ATP8B4: variants seen among roughly 807,000 people sequenced by gnomAD.
The protein encoded by ATP8B4 is probable phospholipid-transporting ATPase IM.
ATP8B4 carries 133 observed loss-of-function variants against 145.6 expected under a neutral mutation model. The observed-to-expected ratio is 0.91, with a 90% confidence interval of 0.79 to 1.05. ATP8B4 has a LOEUF of 1.05. ATP8B4 is among the 50% of genes least tolerant of loss of function. The pLI is 0.00. For missense variants in ATP8B4, 1,458 were observed against 1,425.2 expected (o/e 1.02, Z -0.37); for synonymous variants, 507 against 492.9 (o/e 1.03, Z -0.38).
At chr15:50,170,501 C>CCCG (rs1555498984) in intron 1 of ATP8B4, among the ~76,000 whole-genome samples, 1 of 142,884 alleles carries the variant, frequency 7.0e-6, no homozygotes, top group Non-Finnish European at 1.6e-5. Context: ...CCAAACCCCC[C>CCCG]CCACCCTCCA....
chr15:49,880,003 A>G (rs2035137048), intron 23 of ATP8B4: 1 of 152,236 alleles, frequency 6.6e-6, no homozygotes. Flanking sequence ...TTGTAGACTA[A>G]TTACACAAGA....
intron 6 of ATP8B4, 50 bp from the exon 7 acceptor site, chr15:50,010,967 T>C (rs761042201): frequency 7.8e-7 from 1 of 1,287,936 alleles, no homozygotes; most frequent in East Asian, 2.6e-5. Context: ...GAATTGAAAG[T>C]ATAACCAAGG....
At chr15:49,920,789 C>T (rs1179508356) in intron 17 of ATP8B4, among the ~76,000 whole-genome samples, 1 of 152,116 alleles carries the variant, frequency 6.6e-6, no homozygotes, top group Admixed American at 6.5e-5. Flanking sequence ...GAGAGGGACC[C>T]AGTGTGTTTT....
upstream of ATP8B4, among the ~76,000 whole-genome samples, chr15:50,119,959 T>C (rs2057249559): frequency 6.6e-6 from 1 of 151,344 alleles, no homozygotes; most frequent in South Asian, 2.1e-4. Context: ...TCTTTTAGTT[T>C]GGAATTGCTT....
rs548024150 is a variant in ATP8B4, at chr15:49,898,486, A to G, written c.2290-235T>C. On this transcript the variant is annotated intron_variant, in intron 21 of 27. Coordinates refer to ENST00000284509, the MANE Select transcript of ATP8B4 (RefSeq NM_024837.4). ...CTAAGGAATTTTAAAATAAAAATAA[A>G]CAAAACTGCCATTTATATGTCTTCC... Among the ~76,000 whole-genome samples the G allele has an allele frequency of 5.3e-5, 8 of 152,286 alleles. No homozygotes were observed. The East Asian group carries it at 1.3e-3, about 26-fold the overall frequency.
intron 8 of ATP8B4, among the ~76,000 whole-genome samples, chr15:49,999,635 T>G (rs1275697429): frequency 6.6e-6 from 1 of 152,160 alleles, no homozygotes; most frequent in Non-Finnish European, 1.5e-5. Context: ...AGTATCTTGA[T>G]AAACTTCAAA....
intron 14 of ATP8B4, among the ~76,000 whole-genome samples, chr15:49,947,595 A>AT (rs58675428): frequency 0.91 from 138,147 of 151,832 alleles, 63,076 homozygotes; most frequent in African/African-American, 0.98. Flanking sequence ...TTTCAATGGT[A>AT]TTTTTTTACA....
intron 1 of ATP8B4, among the ~76,000 whole-genome samples, chr15:50,118,439 G>T (rs975990994): frequency 1.3e-5 from 2 of 152,144 alleles, no homozygotes; most frequent in Non-Finnish European, 1.5e-5. Context: ...TGAGTAAAAG[G>T]GGATACTTCA....
rs796128321 is a variant in ATP8B4 at position 50,054,801 on chromosome 15, A to C, written c.88-7337T>G. On this transcript the variant is annotated intron_variant, in intron 3 of 27. Coordinates refer to ENST00000284509, the MANE Select transcript of ATP8B4 (RefSeq NM_024837.4). ...TCCGCCTCAAAAAAAAAAAAAAAAAAAAAAAAAACAAAAAAAAAAAAACAC... is the reference window on the plus strand; with the variant it reads ...TCCGCCTCAAAAAAAAAAAAAAAAACAAAAAAAACAAAAAAAAAAAAACAC... 6.7e-4 allele frequency among the ~76,000 whole-genome samples: 94 copies of C among 139,296 alleles called. 1 individual carries two copies. The highest frequency in any genetic ancestry group is 2.5e-3 in the South Asian group (12 of 4,706). The allele number at this position is 139,296 out of a possible 152,430, so 91.4% of individuals were successfully genotyped here.
chr15:50,117,934 G>C (rs1040768823), intron 1 of ATP8B4, among the ~76,000 whole-genome samples: 6 of 152,166 alleles, frequency 3.9e-5, no homozygotes, highest in Non-Finnish European at 1.5e-5. Context: ...TCTGTCATAT[G>C]TGGGAGCTAA....
At chr15:50,034,368 TACC>T (rs2050680595) in intron 6 of ATP8B4, among the ~76,000 whole-genome samples, 1 of 151,968 alleles carries the variant, frequency 6.6e-6, no homozygotes, top group Non-Finnish European at 1.5e-5. Context: ...TAGCTGGGAT[TACC>T]GGTGCCTGCC....
chr15:49,964,061 A>G (rs990471528), intron 13 of ATP8B4, among the ~76,000 whole-genome samples: 1 of 152,244 alleles, frequency 6.6e-6, no homozygotes, highest in African/African-American at 2.4e-5. Context: ...TGAAAACTAA[A>G]GTAAGCATAG....
At chr15:49,897,562 T>C (rs2037541217) in intron 22 of ATP8B4, 47 bp from the exon 23 acceptor site, 1 of 1,406,218 alleles carries the variant, frequency 7.1e-7, no homozygotes, top group Non-Finnish European at 9.4e-7. Flanking sequence ...AAAGCCACGA[T>C]CTCTTTTGGA....
chr15:50,090,855 G>A (rs1017840661), intron 2 of ATP8B4, among the ~76,000 whole-genome samples: 6 of 151,806 alleles, frequency 4.0e-5, no homozygotes, highest in Admixed American at 2.6e-4. Flanking sequence ...TCCAAAGTAC[G>A]GGGATTACAG....
intron 2 of ATP8B4, among the ~76,000 whole-genome samples, chr15:50,095,095 T>C (rs1233434963): frequency 6.6e-6 from 1 of 152,030 alleles, no homozygotes; most frequent in Non-Finnish European, 1.5e-5. Context: ...TCAGTAGATG[T>C]CCAGGTTCTA....
intron 10 of ATP8B4, 75 bp downstream of exon 10, chr15:49,987,316 A>C (rs934294478): frequency 2.7e-6 from 4 of 1,504,942 alleles, no homozygotes; most frequent in Admixed American, 1.9e-5. Context: ...ATCAGAACAC[A>C]GAGAATCATA....
intron 23 of ATP8B4, among the ~76,000 whole-genome samples, chr15:49,887,105 T>C (rs918126292): frequency 6.6e-6 from 1 of 152,134 alleles, no homozygotes; most frequent in African/African-American, 2.4e-5. Context: ...CCACCGTTCC[T>C]GGCCAAGCAA....
At chr15:50,115,863 G>A (rs1188297671) in intron 1 of ATP8B4, among the ~76,000 whole-genome samples, 2 of 152,186 alleles carry the variant, frequency 1.3e-5, no homozygotes, top group African/African-American at 4.8e-5. Flanking sequence ...GCATTGCCAT[G>A]GTCAAGATCC....
At chr15:50,153,514 T>C (rs1170135349) in intron 1 of ATP8B4, among the ~76,000 whole-genome samples, 1 of 151,974 alleles carries the variant, frequency 6.6e-6, no homozygotes, top group Non-Finnish European at 1.5e-5. Flanking sequence ...AATTTTTGTA[T>C]TTTTAGTAGA....
Sources: gnomAD v4.1 joint callset for allele counts (sites outside exome capture counted in the v4.1 genomes callset) on GRCh38, gnomAD v4.1.1 for gene constraint, MANE v1.5 for transcripts, NCBI Gene and HGNC (gene_info 2026-07-23, HGNC 2026-07-21) for gene names.